The following HNRNPA1 variants were observed in gnomAD, a reference collection of about 807,000 sequenced individuals.
HNRNPA1 encodes heterogeneous nuclear ribonucleoprotein A1, also known as epididymis secretory sperm binding protein.
In HNRNPA1, 7 loss-of-function variants were observed where a neutral mutation model predicts 44.4. That is an observed-to-expected ratio of 0.16 (90% confidence interval 0.09 to 0.30). HNRNPA1 has a LOEUF of 0.30. Ranked by LOEUF, HNRNPA1 falls within the 10% of genes least tolerant of loss-of-function variation. HNRNPA1 has a pLI of 1.00. For missense variants in HNRNPA1, 193 were observed against 465.8 expected (o/e 0.41, Z 5.39); for synonymous variants, 169 against 160.6 (o/e 1.05, Z -0.40).
rs1225200795 is a variant in HNRNPA1 at position 54,285,682 on chromosome 12, A to G, written c.*1138A>G. 6.6e-6 allele frequency: 1 copy of G among 152,212 alleles called. No individual in the cohort carries two copies. Among genetic ancestry groups the G allele is most frequent in the Admixed American group, 6.5e-5 (1 of 15,280 alleles). The allele number at this position is 152,212 out of a possible 1,614,324, so 9.4% of individuals were successfully genotyped here. On this transcript the variant is annotated 3_prime_UTR_variant, in exon 11 of 11. Transcript: ENST00000340913. ...CCTACCTAAAATGTTAATTGTATAGAAAATGATTTCTAAACCTTTAACAGT... is the reference window on the plus strand; with the variant it reads ...CCTACCTAAAATGTTAATTGTATAGGAAATGATTTCTAAACCTTTAACAGT...
chr12:54,283,602 G>A (rs1273749370), intron 8 of HNRNPA1: 1 of 614,452 alleles, frequency 1.6e-6, no homozygotes, highest in African/African-American at 1.9e-5. Flanking sequence ...TTTATTTTAT[G>A]TCATGGTGAG....
chr12:54,286,337 C>T lies in HNRNPA1; in HGVS notation c.*1793C>T, dbSNP rs1005224232. 4 of 152,134 alleles carry T rather than the reference C, an allele frequency of 2.6e-5. No homozygotes were observed. Among genetic ancestry groups the T allele is most frequent in the African/African-American group, 9.7e-5 (4 of 41,426 alleles). 9.4% of individuals were successfully genotyped at this position (152,134 alleles called of 1,614,324 possible). On this transcript the variant is annotated 3_prime_UTR_variant, in exon 11 of 11. Coordinates refer to ENST00000340913, the MANE Select transcript of HNRNPA1 (RefSeq NM_031157.4). ...ATATAGTTACTTAAAGTCCAGTTTT[C>T]TGTTAAACATTTTTCTTAATATATT...
rs570118696 is a variant in HNRNPA1, at chr12:54,285,741, T to A, written c.*1197T>A. 4.6e-5 allele frequency: 7 copies of A among 152,138 alleles called. No homozygotes were observed. The highest frequency in any genetic ancestry group is 8.8e-5 in the Non-Finnish European group (6 of 68,036). 9.4% of individuals were successfully genotyped at this position (152,138 alleles called of 1,614,324 possible). On this transcript the variant is annotated 3_prime_UTR_variant, in exon 11 of 11. Transcript: ENST00000340913. The stretch of plus-strand genomic sequence containing the variant: ...AATAATGTGTTATTTGTACATAGAT[T>A]CTTTTGAGCCTTACCTTTGGTGCTC...
At position 54,282,411 on chromosome 12, in the gene HNRNPA1, G is replaced by A. The variant is rs1213704717; in HGVS notation, c.508G>A (p.Val170Met). ...TTTTTTAGTTCAGAAATACCATACT[G>A]TGAATGGCCACAACTGTGAAGTTAG... Reference protein sequence around the residue: ...DKIVIQKYHTVNGHNCEVRKA... With the variant: ...DKIVIQKYHTMNGHNCEVRKA... Residue 170 changes from valine to methionine, a missense_variant, in exon 5 of 11, where the codon GTG becomes ATG. Val to Met is a conservative substitution (Grantham distance 21). Around this residue, in one of 2 missense-constraint regions of HNRNPA1, gnomAD observed 57 missense variants for 231.3 expected, o/e 0.25. Transcript: ENST00000340913. The A allele has an allele frequency of 6.2e-7, 1 of 1,613,260 alleles. No individual in the cohort carries two copies. The highest frequency in any genetic ancestry group is 1.1e-5 in the South Asian group (1 of 91,056).
chr12:54,282,252 T>C lies in HNRNPA1; in HGVS notation c.442T>C (p.Phe148Leu), dbSNP rs1944185080. 6.2e-7 allele frequency: 1 copy of C among 1,612,742 alleles called. No individual in the cohort carries two copies. The highest frequency in any genetic ancestry group is 1.3e-5 in the African/African-American group (1 of 74,944). The change falls in exon 4 of 11, where the codon TTT becomes CTT. Residue 148 changes from phenylalanine to leucine, a missense_variant. Around this residue, in one of 2 missense-constraint regions of HNRNPA1, gnomAD observed 57 missense variants for 231.3 expected, o/e 0.25. Transcript: ENST00000340913. Reference sequence around the variant, plus strand: ...CCGAGGCAGTGGCAAGAAAAGGGGCTTTGCCTTTGTAACCTTTGACGACCA... The same window carrying C: ...CCGAGGCAGTGGCAAGAAAAGGGGCCTTGCCTTTGTAACCTTTGACGACCA... ...TDRGSGKKRG[F>L]AFVTFDDHDS...
In HNRNPA1 at chr12:54,282,095, T is replaced by G; in HGVS notation, c.285T>G (p.Ser95=). The change falls in exon 4 of 11, where the codon TCT becomes TCG. Residue 95 remains serine (S), a synonymous_variant. Coordinates refer to ENST00000340913, the MANE Select transcript of HNRNPA1 (RefSeq NM_031157.4). ...TATGGTTTTTCTCCTATTAGGATTC[T>G]CAAAGACCAGGTGCCCACTTAACTG... ...EPKRAVSRED[S]QRPGAHLTVK... is the part of the protein sequence containing the mutation. 6.2e-7 allele frequency: 1 copy of G among 1,611,368 alleles called. No homozygotes were observed. Among genetic ancestry groups the G allele is most frequent in the Non-Finnish European group, 8.5e-7 (1 of 1,178,238 alleles).
At chr12:54,283,384 C>G in intron 8 of HNRNPA1, 150 bp downstream of exon 8, 1 of 828,548 alleles carries the variant, frequency 1.2e-6, no homozygotes, top group South Asian at 1.7e-5. Flanking sequence ...TAGCTTTAAG[C>G]TGGGGCCGCC....
chr12:54,280,897 G>C (rs1041584572), intron 1 of HNRNPA1, 75 bp downstream of exon 1: 19 of 1,522,166 alleles, frequency 1.2e-5, no homozygotes, highest in Non-Finnish European at 1.6e-5. Context: ...GCTGGGTTTC[G>C]TTCCTTGCAC....
intron 4 of HNRNPA1, 29 bp downstream of exon 4, chr12:54,282,329 G>A: frequency 6.2e-7 from 1 of 1,611,518 alleles, no homozygotes; most frequent in Non-Finnish European, 8.5e-7. Flanking sequence ...CATTTAGTAA[G>A]GGTTCCACAA....
At position 54,282,875 on chromosome 12, in the gene HNRNPA1, G is replaced by T. The variant is rs1313401813; in HGVS notation, c.751+1G>T. Reference sequence around the variant, plus strand: ...GGCTATAATGGATTTGGTAATGATGGTAAGTTTTTTAGGAATAAGTAGAGA... The same window carrying T: ...GGCTATAATGGATTTGGTAATGATGTTAAGTTTTTTAGGAATAAGTAGAGA... On this transcript the variant is annotated splice_donor_variant, in intron 7 of 10. Transcript: ENST00000340913. LOFTEE classifies it high-confidence loss of function. 1.3e-6 allele frequency: 2 copies of T among 1,549,782 alleles called. No individual in the cohort carries two copies. The highest frequency in any genetic ancestry group is 8.7e-7 in the Non-Finnish European group (1 of 1,146,374).
intron 5 of HNRNPA1, 31 bp from the exon 6 acceptor site, chr12:54,282,542 A>G: frequency 6.2e-7 from 1 of 1,611,408 alleles, no homozygotes; most frequent in Non-Finnish European, 8.5e-7. Context: ...TCCAGTATGA[A>G]TGATTTAATG....
intron 8 of HNRNPA1, among the ~76,000 whole-genome samples, chr12:54,283,452 A>G (rs1944211947): frequency 6.6e-6 from 1 of 152,198 alleles, no homozygotes; most frequent in Admixed American, 6.5e-5. Context: ...GATTAGTATC[A>G]TAGAAGGATT....
intron 1 of HNRNPA1, 117 bp downstream of exon 1, chr12:54,280,939 C>G (rs901138779): frequency 9.0e-7 from 1 of 1,108,722 alleles, no homozygotes; most frequent in Admixed American, 1.8e-5. Flanking sequence ...CGGTCGCTGC[C>G]ACGGCCTACC....
intron 2 of HNRNPA1, 45 bp from the exon 3 acceptor site, chr12:54,281,749 CT>C (rs756774575): frequency 6.4e-7 from 1 of 1,574,166 alleles, no homozygotes; most frequent in African/African-American, 1.4e-5. Context: ...ATGACAAAAG[CT>C]TTTGCGGTCA....
rs1384418175 is a variant in HNRNPA1, at chr12:54,287,024, G to A, written c.*2480G>A. 6.6e-6 allele frequency: 1 copy of A among 151,372 alleles called. No homozygotes were observed. The highest frequency in any genetic ancestry group is 1.5e-5 in the Non-Finnish European group (1 of 67,914). 9.4% of individuals were successfully genotyped at this position (151,372 alleles called of 1,614,324 possible). On this transcript the variant is annotated 3_prime_UTR_variant, in exon 11 of 11. Transcript: ENST00000340913. ...CACTGCCATGCAGTTTACATGAGCT[G>A]TTCTGCAGCTCAAATTCCATTTTGT... is the stretch of plus-strand genomic sequence containing the variant.
chr12:54,286,327 G>A lies in HNRNPA1; in HGVS notation c.*1783G>A, dbSNP rs1377806727. On this transcript the variant is annotated 3_prime_UTR_variant, in exon 11 of 11. Transcript: ENST00000340913. ...ACTTACATCCATATAGTTACTTAAAGTCCAGTTTTCTGTTAAACATTTTTC... is the reference window on the plus strand; with the variant it reads ...ACTTACATCCATATAGTTACTTAAAATCCAGTTTTCTGTTAAACATTTTTC... The A allele has an allele frequency of 6.6e-6, 1 of 152,124 alleles. No homozygotes were observed. Among genetic ancestry groups the A allele is most frequent in the African/African-American group, 2.4e-5 (1 of 41,418 alleles). 9.4% of individuals were successfully genotyped at this position (152,124 alleles called of 1,614,324 possible).
At chr12:54,284,063 C>T (rs1944225683) in intron 9 of HNRNPA1, 96 bp downstream of exon 9, 4 of 1,442,374 alleles carry the variant, frequency 2.8e-6, no homozygotes, top group East Asian at 2.3e-5. Flanking sequence ...GGCAGCAAAA[C>T]GTTTATAGTT....
chr12:54,280,962 C>A, intron 1 of HNRNPA1, 140 bp downstream of exon 1: 3 of 919,648 alleles, frequency 3.3e-6, no homozygotes, highest in Non-Finnish European at 1.8e-6. Flanking sequence ...TCCCAAAGTT[C>A]AAGTCGCCAT....
Position 54,285,448 on chromosome 12 carries a change from C to A in HNRNPA1, c.*904C>A, listed in dbSNP as rs1249093817. ...GAGGCCTTTTAAAAATAACTAATAT[C>A]AGAAAGCATTTTAATGAACGTAAAG... On this transcript the variant is annotated 3_prime_UTR_variant, in exon 11 of 11. Coordinates refer to ENST00000340913, the MANE Select transcript of HNRNPA1 (RefSeq NM_031157.4). 6.6e-6 allele frequency: 1 copy of A among 152,162 alleles called. No homozygotes were observed. Among genetic ancestry groups the A allele is most frequent in the African/African-American group, 2.4e-5 (1 of 41,420 alleles). The allele number at this position is 152,162 out of a possible 1,614,324, so 9.4% of individuals were successfully genotyped here. A position where few individuals can be genotyped will look rare whatever the true frequency, so the allele number is the denominator to read the frequency against.
Sources: allele counts gnomAD v4.1 joint callset (sites outside exome capture counted in the v4.1 genomes callset), GRCh38; gene constraint gnomAD v4.1.1; regional missense constraint gnomAD v4.1.1; transcripts MANE v1.5; gene names NCBI Gene and HGNC (gene_info 2026-07-23, HGNC 2026-07-21).